Variants in TSC1 observed in about 807,000 individuals in gnomAD.
The protein encoded by TSC1 is TSC complex subunit 1.
A neutral mutation model predicts 124.3 loss-of-function variants in TSC1; 20 were observed. The ratio of observed to expected loss-of-function variants is 0.16; its 90% CI spans 0.11 to 0.23. TSC1 has a LOEUF of 0.23. Ranked by LOEUF, TSC1 falls within the 10% of genes least tolerant of loss-of-function variation. The probability of loss-of-function intolerance (pLI) is 1.00; values close to 1 mark genes in which losing one functional copy is unlikely to be tolerated. For synonymous variants in TSC1, 493 were observed against 539.1 expected (o/e 0.91, Z 1.19); for missense variants, 1,124 against 1,448.5 (o/e 0.78, Z 3.64).
intron 11 of TSC1, 134 bp from the exon 12 acceptor site, chr9:132,910,826 C>A (rs1017800219): frequency 7.0e-7 from 1 of 1,434,616 alleles, no homozygotes. Flanking sequence ...AGATCAGTCT[C>A]TCTCTTTTTT....
chr9:132,913,597 C>T (rs529478298), intron 8 of TSC1, among the ~76,000 whole-genome samples: 1 of 151,920 alleles, frequency 6.6e-6, no homozygotes, highest in Admixed American at 6.6e-5. Context: ...GAGGCTGAGG[C>T]GGACGGATCA....
In TSC1 at chr9:132,923,381, C is replaced by T. The variant is rs1846672854; in HGVS notation, c.475G>A (p.Gly159Ser). The change falls in exon 6 of 23, where the codon GGC (glycine) becomes AGC (serine). Residue 159 changes from glycine (G) to serine (S), a missense_variant. Around this residue, in one of 5 missense-constraint regions of TSC1, gnomAD observed 463 missense variants for 606.8 expected, o/e 0.76. Transcript: ENST00000298552. This position sits in a 1 kb window ranked among gnomAD's most constrained non-coding sequence, Gnocchi z 4.2. ...QHLLDFFDIF[G>S]RLSSWCLKKP... is the part of the protein sequence containing the mutation. Reference sequence around the variant, plus strand: ...TTCAGGCACCATGATGACAGACGGCCAAAAATGTCAAAGAAATCAAGAAGA... The same window carrying T: ...TTCAGGCACCATGATGACAGACGGCTAAAAATGTCAAAGAAATCAAGAAGA... 3.1e-6 allele frequency: 5 copies of T among 1,614,104 alleles called. No homozygotes were observed. Among genetic ancestry groups the T allele is most frequent in the Non-Finnish European group, 3.4e-6 (4 of 1,180,006 alleles).
rs2131945872 is a variant in TSC1 at position 132,910,666 on chromosome 9, T to C, written c.1168A>G (p.Thr390Ala). 3 of 1,613,970 alleles carry C rather than the reference T, an allele frequency of 1.9e-6. No homozygotes were observed. The highest frequency in any genetic ancestry group is 2.5e-6 in the Non-Finnish European group (3 of 1,180,022). ...TAGGKGTPLG[T>A]PATSPPPAPL... ...GCTGGAGGAGGAGAGGTTGCTGGGG[T>C]TCCCAGAGGAGTTCCTTTTCCACCT... The change falls in exon 12 of 23, where the codon ACC becomes GCC. Residue 390 changes from threonine to alanine, a missense_variant. Physicochemically the swap from Thr to Ala is moderately conservative, Grantham distance 58 (BLOSUM62 0). Around this residue, in one of 5 missense-constraint regions of TSC1, gnomAD observed 463 missense variants for 606.8 expected, o/e 0.76. Transcript: ENST00000298552.
chr9:132,929,353 T>C (rs1438148266), intron 2 of TSC1, among the ~76,000 whole-genome samples: 1 of 151,928 alleles, frequency 6.6e-6, no homozygotes, highest in East Asian at 1.9e-4. Context: ...ATACATACTA[T>C]TTCCTTCTTG....
rs766721659 is a variant in TSC1 at position 132,923,121 on chromosome 9, G to A, written c.508+227C>T. On this transcript the variant is annotated intron_variant, in intron 6 of 22. Coordinates refer to ENST00000298552, the MANE Select transcript of TSC1 (RefSeq NM_000368.5). This position sits in a 1 kb window ranked among gnomAD's most constrained non-coding sequence, Gnocchi z 4.2. ...CATCCTACCACTCAATTTCTCTGACGACTAATCCTTTTAAGCCAAGAAAAT... is the reference window on the plus strand; with the variant it reads ...CATCCTACCACTCAATTTCTCTGACAACTAATCCTTTTAAGCCAAGAAAAT... Among the ~76,000 whole-genome samples the A allele has an allele frequency of 2.0e-5, 3 of 152,088 alleles. No individual in the cohort carries two copies. The highest frequency in any genetic ancestry group is 3.2e-3 in the Middle Eastern group (1 of 316).
At chr9:132,940,001 T>C (rs1847654537) in intron 1 of TSC1, among the ~76,000 whole-genome samples, 1 of 152,168 alleles carries the variant, frequency 6.6e-6, no homozygotes, top group African/African-American at 2.4e-5. Context: ...ATTCATTCAT[T>C]AATATACCTC....
Position 132,897,613 on chromosome 9 carries a change from G to GGAA in TSC1, c.2626-4_2626-3insTTC. On this transcript the variant is annotated splice_region_variant and splice_polypyrimidine_tract_variant and intron_variant, in intron 20 of 22. Transcript: ENST00000298552. ...GCGGCTTTCATCATTTCTACTTCCT[G>GGAA]AAAAAAAAAAAAAAAAAAGACTGGA... The GGAA allele has an allele frequency of 2.2e-6, 3 of 1,356,902 alleles. No homozygotes were observed. The highest frequency in any genetic ancestry group is 2.9e-5 in the South Asian group (2 of 68,618). 84.1% of individuals were successfully genotyped at this position (1,356,902 alleles called of 1,614,324 possible).
At chr9:132,908,479 G>A (rs891879317) in intron 12 of TSC1, among the ~76,000 whole-genome samples, 1 of 152,192 alleles carries the variant, frequency 6.6e-6, no homozygotes, top group Non-Finnish European at 1.5e-5. Flanking sequence ...TTGAGACAGG[G>A]TCTGGCTCTG....
In TSC1 at chr9:132,933,445, T is replaced by G. The variant is rs1044424477; in HGVS notation, c.-81+1588A>C. 8.9e-5 allele frequency among the ~76,000 whole-genome samples: 10 copies of G among 111,966 alleles called. 1 individual carries two copies. Among genetic ancestry groups the G allele is most frequent in the African/African-American group, 3.3e-4 (9 of 27,204 alleles). 73.5% of individuals were successfully genotyped at this position (111,966 alleles called of 152,430 possible). A position where few individuals can be genotyped will look rare whatever the true frequency, so the allele number is the denominator to read the frequency against. ...AGAAAAATGCTATTAAAAGCTGGGGTTTTTTTTGTTTCAAAATAAGAATAA... is the reference window on the plus strand; with the variant it reads ...AGAAAAATGCTATTAAAAGCTGGGGGTTTTTTTGTTTCAAAATAAGAATAA... On this transcript the variant is annotated intron_variant, in intron 2 of 22. Coordinates refer to ENST00000298552, the MANE Select transcript of TSC1 (RefSeq NM_000368.5).
At position 132,902,884 on chromosome 9, in the gene TSC1, C is replaced by T. The variant is rs2131744949; in HGVS notation, c.2209-97G>A. On this transcript the variant is annotated intron_variant, in intron 17 of 22. Coordinates refer to ENST00000298552, the MANE Select transcript of TSC1 (RefSeq NM_000368.5). The surrounding 1 kb of genome is among the most constrained non-coding windows in gnomAD (Gnocchi z 5.2). ...TTTCATCTGAATAGTCATAAGCTAC[C>T]CTGAAAATGTAACTAACTACAGACC... The T allele has an allele frequency of 6.8e-7, 1 of 1,480,958 alleles. No homozygotes were observed. The highest frequency in any genetic ancestry group is 1.4e-5 in the African/African-American group (1 of 72,442). 91.7% of individuals were successfully genotyped at this position (1,480,958 alleles called of 1,614,324 possible).
At chr9:132,931,927 C>A (rs987212277) in intron 2 of TSC1, among the ~76,000 whole-genome samples, 2 of 152,196 alleles carry the variant, frequency 1.3e-5, no homozygotes, top group Non-Finnish European at 2.9e-5. Flanking sequence ...ACACACTTTA[C>A]AGCCTATAGA....
chr9:132,944,786 C>G, upstream of TSC1: 1 of 394,564 alleles, frequency 2.5e-6, no homozygotes, highest in Non-Finnish European at 4.5e-6. Context: ...GTGGGTTGGA[C>G]GAGAAAAAAA....
rs118203474 is a variant in TSC1, at chr9:132,911,509, G to C, written c.973C>G (p.Gln325Glu). Residue 325 changes from glutamine (Q) to glutamate (E), a missense_variant, in exon 10 of 23, where the codon CAG (glutamine) becomes GAG (glutamate). Physicochemically the swap from Gln to Glu is conservative, Grantham distance 29 (BLOSUM62 2). This residue lies in a region of TSC1 where 463 missense variants were observed against 606.8 expected (regional missense o/e 0.76). Transcript: ENST00000298552. ...SRLMLLNMPG[Q>E]LPQTLSSPST... ...GGGGAACTCAGAGTCTGAGGTAGCT[G>C]CCCTGGCATATTTAACAACATCAGC... 6.2e-7 allele frequency: 1 copy of C among 1,613,808 alleles called. No homozygotes were observed. Among genetic ancestry groups the C allele is most frequent in the East Asian group, 2.2e-5 (1 of 44,848 alleles).
intron 15 of TSC1, among the ~76,000 whole-genome samples, chr9:132,904,935 G>A (rs1564480088): frequency 6.6e-6 from 1 of 152,188 alleles, no homozygotes; most frequent in Non-Finnish European, 1.5e-5. Context: ...TAAAAAGAGG[G>A]AGCTTAAATA....
chr9:132,932,681 C>G (rs1216640418), intron 2 of TSC1, among the ~76,000 whole-genome samples: 1 of 152,194 alleles, frequency 6.6e-6, no homozygotes, highest in Non-Finnish European at 1.5e-5. Context: ...CCTCTTCATT[C>G]CTCTGCTCTA....
chr9:132,937,533 G>A (rs569379732), intron 1 of TSC1, among the ~76,000 whole-genome samples: 1 of 152,302 alleles, frequency 6.6e-6, no homozygotes, highest in East Asian at 1.9e-4. Context: ...GAGTCATATA[G>A]ACTTCCTCTT....
In TSC1 at chr9:132,895,921, C is replaced by T. The variant is rs1354057253; in HGVS notation, c.*314G>A. The T allele has an allele frequency of 2.2e-6, 1 of 451,532 alleles. No individual in the cohort carries two copies. Among genetic ancestry groups the T allele is most frequent in the African/African-American group, 2.0e-5 (1 of 50,714 alleles). 28.0% of individuals were successfully genotyped at this position (451,532 alleles called of 1,614,324 possible). A position where few individuals can be genotyped will look rare whatever the true frequency, so the allele number is the denominator to read the frequency against. Reference sequence around the variant, plus strand: ...AATTTGGCCTCATATTGCACAGGTTCAAAGGACGCAACCATTTGGGGGGGA... The same window carrying T: ...AATTTGGCCTCATATTGCACAGGTTTAAAGGACGCAACCATTTGGGGGGGA... On this transcript the variant is annotated 3_prime_UTR_variant, in exon 23 of 23. Coordinates refer to ENST00000298552, the MANE Select transcript of TSC1 (RefSeq NM_000368.5).
At chr9:132,930,034 G>C (rs556976426) in intron 2 of TSC1, among the ~76,000 whole-genome samples, 2 of 152,148 alleles carry the variant, frequency 1.3e-5, no homozygotes, top group Non-Finnish European at 2.9e-5. Flanking sequence ...TACACATGGG[G>C]ATATGCATGC....
In TSC1 at chr9:132,921,462, T is replaced by C. The variant is rs778532864; in HGVS notation, c.664-26A>G. On this transcript the variant is annotated intron_variant, in intron 7 of 22. Transcript: ENST00000298552. The surrounding 1 kb of genome is among the most constrained non-coding windows in gnomAD (Gnocchi z 4.3). ...CTAGAAGAGTTGGGTTGACAAATTA[T>C]AAAGGGCTGAATGTTTGTGGAACAT... 1 of 1,612,664 alleles carries C rather than the reference T, an allele frequency of 6.2e-7. No individual in the cohort carries two copies. Among genetic ancestry groups the C allele is most frequent in the Non-Finnish European group, 8.5e-7 (1 of 1,178,814 alleles).
Sources: gnomAD v4.1 joint callset for allele counts (sites outside exome capture counted in the v4.1 genomes callset) on GRCh38, gnomAD v4.1.1 for gene constraint, gnomAD v4.1.1 regional missense constraint, Gnocchi (gnomAD v3.1) non-coding constraint, MANE v1.5 for transcripts, NCBI Gene and HGNC (gene_info 2026-07-23, HGNC 2026-07-21) for gene names.